Variants in TENM4 observed in about 807,000 individuals in gnomAD.
TENM4 encodes the protein teneurin transmembrane protein 4, also known as teneurin-4.
A neutral mutation model predicts 243.3 loss-of-function variants in TENM4; 82 were observed. The observed-to-expected ratio is 0.34, with a 90% confidence interval of 0.28 to 0.40. The LOEUF is 0.40. Ranked by LOEUF, TENM4 falls within the 10% of genes least tolerant of loss-of-function variation. The probability of loss-of-function intolerance (pLI) is 1.00; values close to 1 mark genes in which losing one functional copy is unlikely to be tolerated. For synonymous variants in TENM4, 1,412 were observed against 1,456.3 expected (o/e 0.97, Z 0.69); for missense variants, 3,138 against 3,673.3 (o/e 0.85, Z 3.77).
At chr11:78,694,530 C>T (rs1361528600) in intron 28 of TENM4, among the ~76,000 whole-genome samples, 1 of 152,208 alleles carries the variant, frequency 6.6e-6, no homozygotes, top group Non-Finnish European at 1.5e-5. Flanking sequence ...CTCTGCCATA[C>T]TGTATTTGAG....
chr11:78,905,708 C>T (rs1425104913), intron 6 of TENM4, among the ~76,000 whole-genome samples: 1 of 152,208 alleles, frequency 6.6e-6, no homozygotes, highest in Non-Finnish European at 1.5e-5. Flanking sequence ...TGAAGATATG[C>T]AGTTCTGTAG....
At chr11:78,995,790 G>A (rs1289595114) in intron 6 of TENM4, among the ~76,000 whole-genome samples, 1 of 151,986 alleles carries the variant, frequency 6.6e-6, no homozygotes. Context: ...TTGGAGTTAG[G>A]CTGACCTGAG....
rs187947336 is a variant in TENM4, at chr11:78,948,187, G to A, written c.494-44664C>T. Among the ~76,000 whole-genome samples, 304 of 152,114 alleles carry A rather than the reference G, an allele frequency of 2.0e-3. 3 individuals carry two copies. Among genetic ancestry groups the A allele is most frequent in the Non-Finnish European group, 2.5e-3 (171 of 68,000 alleles). ...ATATATTGCCACATTACTTCATCTC[G>A]ATGCATAAAAAGTTTTTCTGAATCA... On this transcript the variant is annotated intron_variant, in intron 6 of 33. Transcript: ENST00000278550.
At chr11:79,180,292 T>C (rs1234501800) in intron 3 of TENM4, among the ~76,000 whole-genome samples, 1 of 151,728 alleles carries the variant, frequency 6.6e-6, no homozygotes, top group African/African-American at 2.4e-5. Flanking sequence ...GTAACTACCA[T>C]ACTAGGTATA....
chr11:79,008,751 T>G (rs1858559561), intron 6 of TENM4, among the ~76,000 whole-genome samples: 1 of 152,130 alleles, frequency 6.6e-6, no homozygotes, highest in African/African-American at 2.4e-5. Flanking sequence ...CTATTTCGAA[T>G]GAGATCCTTG....
chr11:79,159,747 T>C (rs1243823438), intron 3 of TENM4, among the ~76,000 whole-genome samples: 1 of 152,198 alleles, frequency 6.6e-6, no homozygotes, highest in African/African-American at 2.4e-5. Context: ...GACTACTGGT[T>C]CACTCACTCG....
At chr11:79,060,666 G>C (rs772705611) in intron 6 of TENM4, among the ~76,000 whole-genome samples, 2 of 152,232 alleles carry the variant, frequency 1.3e-5, no homozygotes, top group Non-Finnish European at 2.9e-5. Context: ...AAAGGACTCA[G>C]AGAAACCAGA....
chr11:79,123,661 G>A (rs983863661), intron 4 of TENM4, among the ~76,000 whole-genome samples: 16 of 150,084 alleles, frequency 1.1e-4, no homozygotes, highest in Non-Finnish European at 1.6e-4. Flanking sequence ...GACTGTGCTA[G>A]GCTTGGACTG....
intron 18 of TENM4, among the ~76,000 whole-genome samples, chr11:78,761,440 C>T (rs371266496): frequency 2.0e-5 from 3 of 152,030 alleles, no homozygotes; most frequent in Non-Finnish European, 4.4e-5. Flanking sequence ...AGGGTTTCAC[C>T]GTGTTAGCCA....
intron 2 of TENM4, among the ~76,000 whole-genome samples, chr11:79,286,311 T>C (rs1405530349): frequency 1.3e-5 from 2 of 152,096 alleles, no homozygotes; most frequent in Non-Finnish European, 2.9e-5. Context: ...AGTTACTATG[T>C]ATTCTGGGTA....
At chr11:79,297,439 G>A (rs757926657) in intron 2 of TENM4, 49 bp downstream of exon 2, 2 of 152,654 alleles carry the variant, frequency 1.3e-5, no homozygotes, top group African/African-American at 2.4e-5. Context: ...AGGTTGTGCA[G>A]ACTAGAAGCA....
chr11:78,861,772 T>C (rs867691719), intron 10 of TENM4, among the ~76,000 whole-genome samples: 3 of 152,228 alleles, frequency 2.0e-5, no homozygotes, highest in Admixed American at 6.5e-5. Flanking sequence ...TCAGATGCTA[T>C]GACCCAAAAG....
rs146212646 is a variant in TENM4, at chr11:79,236,541, C to T, written c.-264-20632G>A. On this transcript the variant is annotated intron_variant, in intron 2 of 33. Transcript: ENST00000278550. ...CCTGACTGTCAGCACTCCAGTATCA[C>T]TTTGTGCTCGCTTTGTTGTGCTTGT... Among the ~76,000 whole-genome samples, 566 of 152,290 alleles carry T rather than the reference C, an allele frequency of 3.7e-3. 12 individuals carry two copies. Among genetic ancestry groups the T allele is most frequent in the East Asian group, 5.6e-3 (29 of 5,174 alleles).
chr11:79,215,848 C>A lies in TENM4; in HGVS notation c.-203G>T, dbSNP rs1041403434. ...CACGTTCTGAAGAGTCAGCAATGTC[C>A]GTGGGCCCTGCAGCCCTCTCTCCAA... On this transcript the variant is annotated 5_prime_UTR_variant, in exon 3 of 34. Transcript: ENST00000278550. The A allele has an allele frequency of 2.0e-6, 2 of 985,526 alleles. No individual in the cohort carries two copies. The highest frequency in any genetic ancestry group is 9.4e-5 in the South Asian group (2 of 21,252). The allele number at this position is 985,526 out of a possible 1,614,324, so 61.0% of individuals were successfully genotyped here.
At chr11:79,439,107 T>G (rs1019901380) in intron 1 of TENM4, 1 of 151,242 alleles carries the variant, frequency 6.6e-6, no homozygotes, top group Non-Finnish European at 1.5e-5. Context: ...CAGAGCTCAG[T>G]ACATGGGCAC....
chr11:78,961,866 A>ATGTC (rs1244127205), intron 6 of TENM4, among the ~76,000 whole-genome samples: 2 of 148,114 alleles, frequency 1.4e-5, no homozygotes, highest in Non-Finnish European at 3.0e-5. Flanking sequence ...CCTTCTCGTG[A>ATGTC]TGTCTGTCTG....
intron 2 of TENM4, among the ~76,000 whole-genome samples, chr11:79,254,991 A>G (rs1855675691): frequency 6.6e-6 from 1 of 152,158 alleles, no homozygotes; most frequent in Non-Finnish European, 1.5e-5. Flanking sequence ...CCAGTTCTGG[A>G]AGGGCGTCAT....
intron 4 of TENM4, among the ~76,000 whole-genome samples, chr11:79,091,314 T>C (rs1388075333): frequency 6.6e-6 from 1 of 152,188 alleles, no homozygotes; most frequent in Non-Finnish European, 1.5e-5. Context: ...TGTTTTCTCA[T>C]TTAAGAAGTC....
chr11:78,729,714 C>T (rs574613667), intron 21 of TENM4, 71 bp from the exon 22 acceptor site: 55 of 1,523,182 alleles, frequency 3.6e-5, no homozygotes, highest in Non-Finnish European at 4.4e-5. Context: ...ATGGCGTGGC[C>T]CCATGGACTC....
Sources: gnomAD v4.1 joint callset for allele counts (sites outside exome capture counted in the v4.1 genomes callset) on GRCh38, gnomAD v4.1.1 for gene constraint, MANE v1.5 for transcripts, NCBI Gene and HGNC (gene_info 2026-07-23, HGNC 2026-07-21) for gene names.